The following TCEANC variants were observed in gnomAD, a reference collection of about 807,000 sequenced individuals.
TCEANC encodes the protein transcription elongation factor A N-terminal and central domain containing.
Under a neutral mutation model 8.7 loss-of-function variants are expected in TCEANC, and 8 were observed. That is an observed-to-expected ratio of 0.92 (90% CI 0.54 to 1.65). The LOEUF (loss-of-function observed/expected upper bound fraction) is 1.65, where lower values mean the gene tolerates loss of function less well. Ranked by LOEUF, TCEANC falls within the 40% of genes most tolerant of loss-of-function variation. The pLI, the probability that TCEANC is intolerant of heterozygous loss-of-function variation, is 0.00. For missense variants in TCEANC, 255 were observed against 251.9 expected, an observed-to-expected ratio of 1.01 and a Z score of -0.08; for synonymous variants, 78 against 92.9, an observed-to-expected ratio of 0.84 and a Z score of 0.92.
At position 13,663,537 on chromosome X, in the gene TCEANC, G is replaced by A; in HGVS notation, c.1029G>A (p.Trp343Ter). ...TTTGTAACGAATGTGGGGAGCAGTGGTACCATAGCAAGTGGGTGTGCTGGT... is the reference window on the plus strand; with the variant it reads ...TTTGTAACGAATGTGGGGAGCAGTGATACCATAGCAAGTGGGTGTGCTGGT... Residue 343 changes from tryptophan to a stop codon, truncating the protein, a stop_gained, in exon 2 of 2, where the codon TGG (tryptophan) becomes TGA (stop). Transcript: ENST00000380600. LOFTEE classifies it high-confidence loss of function. 8.6e-7 allele frequency: 1 copy of A among 1,156,903 alleles called. No homozygotes were observed. The highest frequency in any genetic ancestry group is 1.2e-6 in the Non-Finnish European group (1 of 867,152).
At chrX:13,658,561 G>A (rs1465414324) in intron 1 of TCEANC, among the ~76,000 whole-genome samples, 1 of 63,448 alleles carries the variant, frequency 1.6e-5, no homozygotes, top group Non-Finnish European at 2.8e-5. Flanking sequence ...ATGATAAACT[G>A]TATACATTTA....
intron 1 of TCEANC, among the ~76,000 whole-genome samples, chrX:13,660,072 G>A (rs774970171): frequency 5.4e-5 from 6 of 111,820 alleles, no homozygotes; most frequent in East Asian, 2.8e-4. Context: ...ATGAAATTGC[G>A]TTAGACCAAT....
At chrX:13,655,704 A>G (rs1486597512) in intron 1 of TCEANC, among the ~76,000 whole-genome samples, 1 of 112,322 alleles carries the variant, frequency 8.9e-6, no homozygotes, top group African/African-American at 3.2e-5. Context: ...ACCCTCAGAG[A>G]TCCTAATTCA....
chrX:13,654,837 G>T (rs956235889), upstream of TCEANC, among the ~76,000 whole-genome samples: 4 of 33,918 alleles, frequency 1.2e-4, no homozygotes, highest in African/African-American at 9.4e-5. Flanking sequence ...TGGTTTTTTT[G>T]TTTGTTTGTT....
At chrX:13,657,143 G>T (rs1301713049) in intron 1 of TCEANC, among the ~76,000 whole-genome samples, 1 of 112,332 alleles carries the variant, frequency 8.9e-6, no homozygotes, top group Non-Finnish European at 1.9e-5. Flanking sequence ...TTTAGAGAGA[G>T]AATTCACACA....
In TCEANC at chrX:13,662,481, A is replaced by G; in HGVS notation, c.-8-20A>G. On this transcript the variant is annotated intron_variant, in intron 1 of 1. Transcript: ENST00000380600. ...GCAACGGCAAACTTAAGAAAACTGAAACCTCTTTTTTCTTTGCAGCTGTAA... is the reference window on the plus strand; with the variant it reads ...GCAACGGCAAACTTAAGAAAACTGAGACCTCTTTTTTCTTTGCAGCTGTAA... 3 of 1,166,403 alleles carry G rather than the reference A, an allele frequency of 2.6e-6. No individual in the cohort carries two copies. The highest frequency in any genetic ancestry group is 3.4e-6 in the Non-Finnish European group (3 of 873,690).
chrX:13,658,310 TGTATG>T (rs1211051076), intron 1 of TCEANC, among the ~76,000 whole-genome samples: 2 of 111,994 alleles, frequency 1.8e-5, no homozygotes, highest in African/African-American at 6.5e-5. Context: ...TTAGGGGAAT[TGTATG>T]GTATGTGAAT....
At chrX:13,658,203 G>C (rs927073106) in intron 1 of TCEANC, among the ~76,000 whole-genome samples, 7 of 111,937 alleles carry the variant, frequency 6.3e-5, no homozygotes, top group Non-Finnish European at 1.1e-4. Context: ...GGATTTTCTT[G>C]GGGGGTGGTG....
Position 13,661,013 on chromosome X carries a change from T to A in TCEANC, c.-8-1488T>A, listed in dbSNP as rs2045963010. ...GTGCCCGCCACCACACCCGGCTAAT[T>A]TTTTGTATTTTTAGTAGAGATGGGG... On this transcript the variant is annotated intron_variant, in intron 1 of 1. Coordinates refer to ENST00000380600, the Ensembl canonical transcript of TCEANC. 9.0e-6 allele frequency among the ~76,000 whole-genome samples: 1 copy of A among 110,799 alleles called. No homozygotes were observed. The highest frequency in any genetic ancestry group is 3.3e-5 in the African/African-American group (1 of 30,415).
At chrX:13,660,667 G>A (rs2045959974) in intron 1 of TCEANC, among the ~76,000 whole-genome samples, 1 of 112,177 alleles carries the variant, frequency 8.9e-6, no homozygotes. Context: ...ATTCTGTTGT[G>A]TGGATAAATC....
chrX:13,654,877 A>C (rs1476441956), upstream of TCEANC, among the ~76,000 whole-genome samples: 1 of 110,742 alleles, frequency 9.0e-6, no homozygotes, highest in Non-Finnish European at 1.9e-5. Context: ...AACAAGATTT[A>C]TTTGAACTAG....
chrX:13,659,190 C>T (rs944931293), intron 1 of TCEANC, among the ~76,000 whole-genome samples: 1 of 112,453 alleles, frequency 8.9e-6, no homozygotes, highest in Non-Finnish European at 1.9e-5. Context: ...GAGCCCTCCC[C>T]GACTCGTTGA....
chrX:13,661,152 A>C (rs775340546), intron 1 of TCEANC, among the ~76,000 whole-genome samples, 30 bp downstream of exon 4: 2 of 110,010 alleles, frequency 1.8e-5, no homozygotes, highest in Admixed American at 1.9e-4. Flanking sequence ...CCATATGTTA[A>C]CTGTTTAGTC....
intron 1 of TCEANC, among the ~76,000 whole-genome samples, chrX:13,661,486 C>T (rs2045966109): frequency 8.9e-6 from 1 of 112,258 alleles, no homozygotes; most frequent in African/African-American, 3.2e-5. Context: ...TCTCTAAACA[C>T]TTCAGTGTTC....
exon 2 of TCEANC, chrX:13,662,650 G>A (rs1411551461): frequency 8.3e-7 from 1 of 1,210,094 alleles, no homozygotes; most frequent in African/African-American, 1.7e-5. Flanking sequence ...GGAGACAGAT[G>A]TGGTCAGAGC....
At chrX:13,656,571 A>G (rs1355971345) in intron 1 of TCEANC, among the ~76,000 whole-genome samples, 4 of 112,338 alleles carry the variant, frequency 3.6e-5, no homozygotes, top group African/African-American at 1.3e-4. Flanking sequence ...TAGAATTACC[A>G]TATGATCCAG....
chrX:13,660,930 C>T (rs868650834), intron 1 of TCEANC, among the ~76,000 whole-genome samples, 101 bp from the exon 4 acceptor site: 37 of 111,752 alleles, frequency 3.3e-4, no homozygotes, highest in African/African-American at 8.1e-4. Context: ...CTGCAAACTC[C>T]GCCTTCCAGG....
upstream of TCEANC, among the ~76,000 whole-genome samples, chrX:13,655,041 C>A (rs1379830546): frequency 9.0e-6 from 1 of 110,748 alleles, no homozygotes; most frequent in East Asian, 2.8e-4. Flanking sequence ...GAGAGAGCAT[C>A]CTGGATGCTC....
At chrX:13,663,535 T>A in exon 2 of TCEANC, 2 of 1,159,269 alleles carry the variant, frequency 1.7e-6, no homozygotes, top group Non-Finnish European at 2.3e-6. Context: ...TGGGGAGCAG[T>A]GGTACCATAG....
Sources: gnomAD v4.1 joint callset for allele counts (sites outside exome capture counted in the v4.1 genomes callset) on GRCh38, gnomAD v4.1.1 for gene constraint, MANE v1.5 for transcripts, NCBI Gene and HGNC (gene_info 2026-07-23, HGNC 2026-07-21) for gene names.